The following GRIP1 variants were observed in gnomAD, a reference collection of about 807,000 sequenced individuals.
GRIP1 encodes the protein glutamate receptor-interacting protein 1.
GRIP1 carries 45 observed loss-of-function variants against 129.9 expected under a neutral mutation model. The observed-to-expected ratio is 0.35, with a 90% CI of 0.27 to 0.44. GRIP1 has a LOEUF of 0.44. Among genes scored for constraint, GRIP1 ranks in the 20% least tolerant of loss-of-function variants. The probability of loss-of-function intolerance (pLI) is 1.00; values close to 1 mark genes in which losing one functional copy is unlikely to be tolerated. For missense variants in GRIP1, 1,196 were observed against 1,396.8 expected, an observed-to-expected ratio of 0.86 and a Z score of 2.29; for synonymous variants, 530 against 520.8, an observed-to-expected ratio of 1.02 and a Z score of -0.24.
chr12:66,928,725 A>G (rs1367239111), intron 1 of GRIP1, among the ~76,000 whole-genome samples: 3 of 152,218 alleles, frequency 2.0e-5, no homozygotes, highest in African/African-American at 7.2e-5. Context: ...AAAAGCATGA[A>G]ATATCTTGGC....
chr12:66,528,145 T>TGTTTTTTTG (rs4134419), intron 5 of GRIP1, among the ~76,000 whole-genome samples: 2 of 142,674 alleles, frequency 1.4e-5, no homozygotes, highest in African/African-American at 5.3e-5. Context: ...TTTTTTTTTT[T>TGTTTTTTTG]TTTTTTTGAG....
chr12:67,063,149 A>G (rs1484390184), intron 1 of GRIP1, among the ~76,000 whole-genome samples: 1 of 152,216 alleles, frequency 6.6e-6, no homozygotes, highest in South Asian at 2.1e-4. Flanking sequence ...AAAAGCCCCT[A>G]GAGTTAGTAA....
intron 2 of GRIP1, among the ~76,000 whole-genome samples, chr12:66,574,098 C>T (rs897032982): frequency 4.6e-5 from 7 of 152,136 alleles, no homozygotes; most frequent in East Asian, 1.9e-4. Context: ...CTTCTTGACA[C>T]GTGCAGAAAC....
At chr12:66,894,872 T>C (rs2040719290) in intron 1 of GRIP1, among the ~76,000 whole-genome samples, 1 of 152,162 alleles carries the variant, frequency 6.6e-6, no homozygotes, top group South Asian at 2.1e-4. Flanking sequence ...TTTGACTCCT[T>C]GTAGGACTAG....
chr12:66,523,092 G>T (rs4913537), intron 5 of GRIP1, among the ~76,000 whole-genome samples: 102,106 of 150,556 alleles, frequency 0.68, 35,236 homozygotes, highest in African/African-American at 0.81. Context: ...GGAATCAAGT[G>T]GGAAAACACT....
chr12:66,477,708 C>A (rs1286139282), intron 7 of GRIP1, among the ~76,000 whole-genome samples: 2 of 152,026 alleles, frequency 1.3e-5, no homozygotes, highest in Non-Finnish European at 2.9e-5. Flanking sequence ...AGAATAGAGC[C>A]CTCAGAAATA....
intron 1 of GRIP1, among the ~76,000 whole-genome samples, chr12:66,958,468 TA>T (rs979876849): frequency 1.3e-5 from 2 of 152,112 alleles, no homozygotes; most frequent in Non-Finnish European, 2.9e-5. Context: ...TTTGTGGGAA[TA>T]AAAAAATGCT....
intron 1 of GRIP1, among the ~76,000 whole-genome samples, chr12:66,659,579 C>T (rs1175110342): frequency 2.6e-5 from 4 of 152,158 alleles, no homozygotes; most frequent in Non-Finnish European, 5.9e-5. Flanking sequence ...TCATAAGCTC[C>T]TAAAAAAGAA....
intron 1 of GRIP1, among the ~76,000 whole-genome samples, chr12:66,651,104 A>G (rs41426852): frequency 0.039 from 5,968 of 152,288 alleles, 180 homozygotes; most frequent in Middle Eastern, 0.13. Context: ...TCCTAGTAGA[A>G]CATTTGTTTC....
chr12:66,677,988 A>AG (rs966533182), intron 1 of GRIP1, among the ~76,000 whole-genome samples: 1 of 152,114 alleles, frequency 6.6e-6, no homozygotes, highest in African/African-American at 2.4e-5. Flanking sequence ...CTCAGAATGA[A>AG]GTTTTTTTTT....
chr12:66,838,091 C>A (rs2039648834), intron 1 of GRIP1, among the ~76,000 whole-genome samples: 1 of 150,982 alleles, frequency 6.6e-6, no homozygotes, highest in Non-Finnish European at 1.5e-5. Flanking sequence ...GAGGCTGAGG[C>A]AGGAGAATCG....
chr12:66,631,038 C>T (rs1395859681), intron 1 of GRIP1, among the ~76,000 whole-genome samples: 13 of 152,014 alleles, frequency 8.6e-5, no homozygotes, highest in African/African-American at 1.4e-4. Flanking sequence ...CAGGTTCAAA[C>T]GATTCTCCTG....
chr12:66,622,381 C>T (rs2065310143), intron 1 of GRIP1, among the ~76,000 whole-genome samples: 1 of 151,836 alleles, frequency 6.6e-6, no homozygotes, highest in Non-Finnish European at 1.5e-5. Context: ...AGGGTGGCTA[C>T]AGTCAACAAT....
intron 1 of GRIP1, among the ~76,000 whole-genome samples, chr12:66,840,973 T>C (rs1043995523): frequency 6.6e-6 from 1 of 152,254 alleles, no homozygotes; most frequent in Non-Finnish European, 1.5e-5. Context: ...CTCATTTAAA[T>C]GTGAATTTCA....
At chr12:66,493,742 T>C (rs1168780948) in intron 7 of GRIP1, among the ~76,000 whole-genome samples, 1 of 152,230 alleles carries the variant, frequency 6.6e-6, no homozygotes. Context: ...AGTTAACAGA[T>C]TGTTTCATTT....
At chr12:66,784,852 G>C (rs2038271404) in intron 1 of GRIP1, among the ~76,000 whole-genome samples, 1 of 152,036 alleles carries the variant, frequency 6.6e-6, no homozygotes, top group Non-Finnish European at 1.5e-5. Context: ...TGTTCTTTCA[G>C]TCAGGCCATA....
intron 23 of GRIP1, among the ~76,000 whole-genome samples, chr12:66,368,396 A>G (rs1201425244): frequency 6.6e-6 from 1 of 152,202 alleles, no homozygotes; most frequent in African/African-American, 2.4e-5. Flanking sequence ...CAGCCTAACC[A>G]TGTGAGAAAG....
At chr12:66,683,736 GAA>G (rs1001910770), upstream of GRIP1, among the ~76,000 whole-genome samples, 20 of 152,300 alleles carry the variant, frequency 1.3e-4, no homozygotes, top group Admixed American at 6.5e-4. Context: ...CACTGAACAT[GAA>G]GAGACCAGGA....
chr12:66,455,690 C>T (rs951252562), intron 10 of GRIP1, 126 bp from the exon 11 acceptor site: 1 of 831,010 alleles, frequency 1.2e-6, no homozygotes, highest in Non-Finnish European at 2.0e-6. Context: ...AGGACCCCAG[C>T]CAGCTAGAGG....
Sources: allele counts gnomAD v4.1 joint callset (sites outside exome capture counted in the v4.1 genomes callset), GRCh38; gene constraint gnomAD v4.1.1; transcripts MANE v1.5; gene names NCBI Gene and HGNC (gene_info 2026-07-23, HGNC 2026-07-21).